ABCG5: variants seen among roughly 807,000 people sequenced by gnomAD.
ABCG5 encodes the protein ATP-binding cassette sub-family G member 5.
A neutral mutation model predicts 64.5 loss-of-function variants in ABCG5; 64 were observed. That is an observed-to-expected ratio of 0.99 (90% CI 0.81 to 1.22). The LOEUF (loss-of-function observed/expected upper bound fraction) is 1.22, where lower values mean the gene tolerates loss of function less well. Ranked by LOEUF, ABCG5 falls within the 50% of genes most tolerant of loss-of-function variation. The pLI is 0.00. For synonymous variants in ABCG5, 385 were observed against 326.3 expected, an observed-to-expected ratio of 1.18 and a Z score of -1.94; for missense variants, 908 against 829.5, an observed-to-expected ratio of 1.09 and a Z score of -1.16.
chr2:43,837,689 G>T (rs1668365884), intron 2 of ABCG5, 145 bp downstream of exon 2: 6 of 1,073,332 alleles, frequency 5.6e-6, no homozygotes, highest in Non-Finnish European at 8.5e-6. Context: ...TTTCACATTG[G>T]TAGCAGTTCC....
intron 4 of ABCG5, among the ~76,000 whole-genome samples, chr2:43,829,067 G>A (rs951670147): frequency 1.3e-5 from 2 of 152,128 alleles, no homozygotes; most frequent in African/African-American, 4.8e-5. Context: ...GGAAACAACA[G>A]ATACTTCATT....
At chr2:43,823,001 C>T in intron 9 of ABCG5, 66 bp from the exon 10 acceptor site, 2 of 1,593,212 alleles carry the variant, frequency 1.3e-6, no homozygotes, top group Non-Finnish European at 1.7e-6. Flanking sequence ...AGGGCTAGCC[C>T]AAGCTGAATG....
intron 11 of ABCG5, among the ~76,000 whole-genome samples, chr2:43,815,599 G>C (rs1437690539): frequency 6.6e-6 from 1 of 152,140 alleles, no homozygotes; most frequent in African/African-American, 2.4e-5. Context: ...AAAAGGATAC[G>C]TGGGACTCTG....
chr2:43,828,222 A>C, intron 4 of ABCG5, 107 bp from the exon 5 acceptor site: 1 of 1,511,856 alleles, frequency 6.6e-7, no homozygotes, highest in South Asian at 1.2e-5. Context: ...CAAGAATCCA[A>C]GGGCCACTTC....
At chr2:43,809,793 T>G (rs953920981), downstream of ABCG5, 3 of 1,584,712 alleles carry the variant, frequency 1.9e-6, no homozygotes, top group African/African-American at 4.1e-5. Context: ...TGTATATTTA[T>G]TTCTTCTTTT....
At chr2:43,825,184 G>T (rs1422712616) in intron 6 of ABCG5, among the ~76,000 whole-genome samples, 166 bp from the exon 7 acceptor site, 1 of 152,118 alleles carries the variant, frequency 6.6e-6, no homozygotes, top group Non-Finnish European at 1.5e-5. Flanking sequence ...GATGACCTTG[G>T]CCCTGCATCA....
In ABCG5 at chr2:43,838,651, C is replaced by A; in HGVS notation, c.29G>T (p.Gly10Val). The A allele has an allele frequency of 6.2e-7, 1 of 1,613,686 alleles. No individual in the cohort carries two copies. Among genetic ancestry groups the A allele is most frequent in the Non-Finnish European group, 8.5e-7 (1 of 1,179,970 alleles). MGDLSSLTP[G>V]GSMGLQVNRG... is the part of the protein sequence containing the mutation. ...GTTTACTTGGAGACCCATGGACCCTCCGGGGGTCAAAGATGAGAGGTCACC... is the reference window on the plus strand; with the variant it reads ...GTTTACTTGGAGACCCATGGACCCTACGGGGGTCAAAGATGAGAGGTCACC... The change falls in exon 1 of 13, where the codon GGA (glycine) becomes GTA (valine). Residue 10 changes from glycine (G) to valine (V), a missense_variant. Coordinates refer to ENST00000405322, the MANE Select transcript of ABCG5 (RefSeq NM_022436.3). This position sits in a 1 kb window ranked among gnomAD's most constrained non-coding sequence, Gnocchi z 4.2.
At chr2:43,820,676 C>T (rs959526950) in intron 10 of ABCG5, among the ~76,000 whole-genome samples, 11 of 152,110 alleles carry the variant, frequency 7.2e-5, no homozygotes, top group African/African-American at 2.2e-4. Flanking sequence ...TTTTTTGAGA[C>T]GGAGTTGCAC....
At chr2:43,812,295 CTT>C (rs1284081255), downstream of ABCG5, among the ~76,000 whole-genome samples, 5 of 144,582 alleles carry the variant, frequency 3.5e-5, no homozygotes, top group African/African-American at 1.3e-4. Flanking sequence ...AGTGCATATA[CTT>C]TAGTAAAGTT....
intron 4 of ABCG5, among the ~76,000 whole-genome samples, chr2:43,829,519 G>A (rs901681845): frequency 2.0e-5 from 3 of 151,938 alleles, no homozygotes; most frequent in African/African-American, 4.8e-5. Context: ...AAACAATAAC[G>A]ACTAAAAAAA....
chr2:43,838,035 A>T lies in ABCG5; in HGVS notation c.144-80T>A. The T allele has an allele frequency of 1.3e-6, 2 of 1,593,162 alleles. No individual in the cohort carries two copies. The highest frequency in any genetic ancestry group is 1.7e-6 in the Non-Finnish European group (2 of 1,165,012). ...CACCCAGGTCCCCAGCATTGATCCT[A>T]CCTGTGCCCCACCCCAGTAGTCTCC... On this transcript the variant is annotated intron_variant, in intron 1 of 12. Coordinates refer to ENST00000405322, the MANE Select transcript of ABCG5 (RefSeq NM_022436.3). The surrounding 1 kb of genome is among the most constrained non-coding windows in gnomAD (Gnocchi z 4.2).
rs1668406916 is a variant in ABCG5 at position 43,838,234 on chromosome 2, T to A, written c.144-279A>T. On this transcript the variant is annotated intron_variant, in intron 1 of 12. Transcript: ENST00000405322. This position sits in a 1 kb window ranked among gnomAD's most constrained non-coding sequence, Gnocchi z 4.2. ...GCATTCTTTCACCAGGTTTCAAGAC[T>A]CCTTGCATTCGCAGTACCCCCATTC... 6 of 593,988 alleles carry A rather than the reference T, an allele frequency of 1.0e-5. No homozygotes were observed. Among genetic ancestry groups the A allele is most frequent in the Non-Finnish European group, 1.8e-5 (6 of 335,698 alleles). The allele number at this position is 593,988 out of a possible 1,614,324, so 36.8% of individuals were successfully genotyped here. A position where few individuals can be genotyped will look rare whatever the true frequency, so the allele number is the denominator to read the frequency against.
chr2:43,828,472 C>CAAAAAA (rs754944007), intron 4 of ABCG5: 293 of 189,800 alleles, frequency 1.5e-3, no homozygotes, highest in South Asian at 2.4e-3. Flanking sequence ...CCTGTCTCTA[C>CAAAAAA]AAAAAAAAAA....
intron 2 of ABCG5, among the ~76,000 whole-genome samples, chr2:43,833,501 G>C (rs180867730): frequency 6.6e-6 from 1 of 151,490 alleles, no homozygotes; most frequent in East Asian, 1.9e-4. Flanking sequence ...TCCTGCCTCA[G>C]CTTCCTGAGT....
intron 10 of ABCG5, chr2:43,822,465 TCCCCTCCCCCAGG>T: frequency 2.4e-6 from 2 of 842,970 alleles, no homozygotes; most frequent in Non-Finnish European, 1.4e-6. Context: ...GGCTGCTTTC[TCCCCTCCCCCAGG>T]CCCCCCCCCA....
chr2:43,824,017 A>G lies in ABCG5; in HGVS notation c.1220T>C (p.Val407Ala). ...AGCACCCTTTAGCACATTGCTTCGG[A>G]CCCGCAGAACGAAGAAAAGGAGGAA... ...GLFLLFFVLR[V>A]RSNVLKGAIQ... is the part of the protein sequence containing the mutation. Residue 407 changes from valine (V) to alanine (A), a missense_variant, in exon 9 of 13, where the codon GTC (valine) becomes GCC (alanine). Coordinates refer to ENST00000405322, the MANE Select transcript of ABCG5 (RefSeq NM_022436.3). 1 of 1,614,204 alleles carries G rather than the reference A, an allele frequency of 6.2e-7. No individual in the cohort carries two copies. Among genetic ancestry groups the G allele is most frequent in the South Asian group, 1.1e-5 (1 of 91,086 alleles).
rs528636525 is a variant in ABCG5 at position 43,813,222 on chromosome 2, G to A, written c.1850C>T (p.Thr617Ile). The change falls in exon 13 of 13, where the codon ACA becomes ATA. Residue 617 changes from threonine to isoleucine, a missense_variant. Thr to Ile is a moderately conservative substitution (Grantham distance 89, BLOSUM62 -1). Transcript: ENST00000405322. ...QFIEKTCPGA[T>I]SRFTMNFLIL... ...CAGAAAGTTCATTGTGAATCTAGATGTTGCACCTGGGCAGGTTTTCTCAAT... is the reference window on the plus strand; with the variant it reads ...CAGAAAGTTCATTGTGAATCTAGATATTGCACCTGGGCAGGTTTTCTCAAT... 2 of 1,612,528 alleles carry A rather than the reference G, an allele frequency of 1.2e-6. No homozygotes were observed. Among genetic ancestry groups the A allele is most frequent in the East Asian group, 2.2e-5 (1 of 44,868 alleles).
intron 11 of ABCG5, among the ~76,000 whole-genome samples, chr2:43,818,994 G>C (rs1251208432): frequency 1.3e-5 from 2 of 152,162 alleles, no homozygotes; most frequent in African/African-American, 4.8e-5. Flanking sequence ...AGCCTTCATA[G>C]TGGTGTGACT....
chr2:43,811,216 C>A (rs1666469034), downstream of ABCG5, among the ~76,000 whole-genome samples: 1 of 152,174 alleles, frequency 6.6e-6, no homozygotes, highest in Non-Finnish European at 1.5e-5. Context: ...TTGTCTATAA[C>A]TGATGTGACA....
Sources: gnomAD v4.1 joint callset for allele counts (sites outside exome capture counted in the v4.1 genomes callset) on GRCh38, gnomAD v4.1.1 for gene constraint, Gnocchi (gnomAD v3.1) non-coding constraint, MANE v1.5 for transcripts, NCBI Gene and HGNC (gene_info 2026-07-23, HGNC 2026-07-21) for gene names.